TFB1M: variants seen among roughly 807,000 people sequenced by gnomAD.
TFB1M encodes transcription factor B1, mitochondrial.
TFB1M carries 27 observed loss-of-function variants against 31.1 expected under a neutral mutation model. That is an observed-to-expected ratio of 0.87 (90% confidence interval 0.64 to 1.20). TFB1M has a LOEUF of 1.20. Ranked by LOEUF, TFB1M falls within the 50% of genes most tolerant of loss-of-function variation. The probability of loss-of-function intolerance (pLI) is 0.00; values close to 1 mark genes in which losing one functional copy is unlikely to be tolerated. For missense variants in TFB1M, 394 were observed against 418.7 expected, an observed-to-expected ratio of 0.94 and a Z score of 0.51; for synonymous variants, 166 against 151.8, an observed-to-expected ratio of 1.09 and a Z score of -0.69.
At chr6:155,272,304 G>T (rs1784956830) in intron 5 of TFB1M, among the ~76,000 whole-genome samples, 1 of 152,054 alleles carries the variant, frequency 6.6e-6, no homozygotes, top group Non-Finnish European at 1.5e-5. Context: ...TATTATTTTT[G>T]ATATAAATAA....
At position 155,256,602 on chromosome 6, in the gene TFB1M, C is replaced by T; in HGVS notation, c.*1234G>A. On this transcript the variant is annotated 3_prime_UTR_variant, in exon 7 of 7. Transcript: ENST00000367166. The stretch of plus-strand genomic sequence containing the variant: ...GCAGCTTGAGCAGCGGCACCCAGAG[C>T]AGCGGCTGCCCCACGGCTGAGGGCA... 1 of 1,614,186 alleles carries T rather than the reference C, an allele frequency of 6.2e-7. No individual in the cohort carries two copies. Among genetic ancestry groups the T allele is most frequent in the Non-Finnish European group, 8.5e-7 (1 of 1,180,032 alleles).
chr6:155,293,874 CTTTT>C (rs553386763), intron 4 of TFB1M, among the ~76,000 whole-genome samples: 1 of 151,870 alleles, frequency 6.6e-6, no homozygotes, highest in Non-Finnish European at 1.5e-5. Flanking sequence ...GTTTTTGCAA[CTTTT>C]TTTTGACTCT....
Position 155,257,239 on chromosome 6 carries a change from T to C in TFB1M, c.*597A>G, listed in dbSNP as rs1417246694. 8.8e-7 allele frequency: 1 copy of C among 1,131,140 alleles called. No individual in the cohort carries two copies. The highest frequency in any genetic ancestry group is 1.2e-6 in the Non-Finnish European group (1 of 813,048). 70.1% of individuals were successfully genotyped at this position (1,131,140 alleles called of 1,614,324 possible). A position where few individuals can be genotyped will look rare whatever the true frequency, so the allele number is the denominator to read the frequency against. On this transcript the variant is annotated 3_prime_UTR_variant, in exon 7 of 7. Coordinates refer to ENST00000367166, the MANE Select transcript of TFB1M (RefSeq NM_016020.4). Reference sequence around the variant, plus strand: ...GTTCATTCCTGGGTTTTGTGCAGTATACATTTTCCCACAAAATGGTTGTAA... The same window carrying C: ...GTTCATTCCTGGGTTTTGTGCAGTACACATTTTCCCACAAAATGGTTGTAA...
At chr6:155,252,339 C>T (rs142148257), downstream of TFB1M, among the ~76,000 whole-genome samples, 640 of 152,218 alleles carry the variant, frequency 4.2e-3, 6 homozygotes, top group Admixed American at 8.0e-3. Flanking sequence ...TGTGGTAGCA[C>T]GTGCCTGTAG....
At chr6:155,239,359 C>T in the TFB1M span, among the ~76,000 whole-genome samples, 18 of 152,268 alleles carry the variant, frequency 1.2e-4, no homozygotes, top group East Asian at 3.5e-3. Context: ...CTGTGCTGGC[C>T]AGTGAGCTGG....
At chr6:155,306,079 T>C (rs955103315) in intron 2 of TFB1M, among the ~76,000 whole-genome samples, 4 of 152,006 alleles carry the variant, frequency 2.6e-5, no homozygotes, top group Non-Finnish European at 5.9e-5. Flanking sequence ...GATACAAAGA[T>C]GGCAAATAAG....
At chr6:155,233,220 C>T in the TFB1M span, among the ~76,000 whole-genome samples, 1 of 152,180 alleles carries the variant, frequency 6.6e-6, no homozygotes, top group South Asian at 2.1e-4. Context: ...CCAAAACGCA[C>T]AGGAAAGTTG....
chr6:155,247,905 AT>A, the TFB1M span: 1 of 1,440,090 alleles, frequency 6.9e-7, no homozygotes. Flanking sequence ...TAGGAGGACT[AT>A]AGAAATAGAT....
downstream of TFB1M, chr6:155,254,137 G>GC (rs1583294049): frequency 1.4e-6 from 2 of 1,466,090 alleles, no homozygotes; most frequent in Non-Finnish European, 1.9e-6. Flanking sequence ...TATATTTAGT[G>GC]CCCTCCTGAA....
chr6:155,288,548 C>A (rs928255779), intron 4 of TFB1M, among the ~76,000 whole-genome samples: 1 of 152,194 alleles, frequency 6.6e-6, no homozygotes, highest in Admixed American at 6.5e-5. Flanking sequence ...TAATATCCAA[C>A]TGGCACAATT....
chr6:155,238,556 G>A, the TFB1M span, among the ~76,000 whole-genome samples: 1 of 152,188 alleles, frequency 6.6e-6, no homozygotes, highest in Non-Finnish European at 1.5e-5. Context: ...CTTGCCCCTT[G>A]AGGTAGGCCT....
At chr6:155,297,502 A>G (rs918220362) in intron 3 of TFB1M, among the ~76,000 whole-genome samples, 1 of 152,196 alleles carries the variant, frequency 6.6e-6, no homozygotes, top group African/African-American at 2.4e-5. Flanking sequence ...TAAAGATGTG[A>G]ATGTCTGCAA....
intron 2 of TFB1M, among the ~76,000 whole-genome samples, chr6:155,306,228 G>C (rs1777755968): frequency 6.6e-6 from 1 of 152,102 alleles, no homozygotes; most frequent in Non-Finnish European, 1.5e-5. Flanking sequence ...TGGAGCAATG[G>C]GAGCTCTGAA....
the TFB1M span, among the ~76,000 whole-genome samples, chr6:155,237,573 G>A: frequency 6.6e-6 from 1 of 152,248 alleles, no homozygotes; most frequent in African/African-American, 2.4e-5. Flanking sequence ...GCAAACTTCT[G>A]CCTGGACATC....
At position 155,298,422 on chromosome 6, in the gene TFB1M, T is replaced by G. The variant is rs541524847; in HGVS notation, c.394+55A>C. 1.4e-4 allele frequency: 121 copies of G among 894,880 alleles called. No homozygotes were observed. The African/African-American group carries it at 1.7e-3, about 12-fold the overall frequency. The allele number at this position is 894,880 out of a possible 1,614,324, so 55.4% of individuals were successfully genotyped here. Reference sequence around the variant, plus strand: ...AATAAATGTATCATAAAATGAACATTTGTGATATAAATAATCATAAAAGAA... The same window carrying G: ...AATAAATGTATCATAAAATGAACATGTGTGATATAAATAATCATAAAAGAA... On this transcript the variant is annotated intron_variant, in intron 3 of 6. Transcript: ENST00000367166.
intron 5 of TFB1M, among the ~76,000 whole-genome samples, chr6:155,271,754 A>G (rs896420734): frequency 6.6e-6 from 1 of 152,236 alleles, no homozygotes; most frequent in African/African-American, 2.4e-5. Flanking sequence ...TTCAACATAG[A>G]GAAAATTTCA....
chr6:155,260,227 G>A lies in TFB1M; in HGVS notation c.794+46C>T, dbSNP rs769650254. 23 of 1,610,354 alleles carry A rather than the reference G, an allele frequency of 1.4e-5. No individual in the cohort carries two copies. The South Asian group carries it at 2.4e-4, about 17-fold the overall frequency. The stretch of plus-strand genomic sequence containing the variant: ...GTTCTCACTCTTAAAAAGTGCCTGA[G>A]GATTTTATAAAGACTGCAACTGAAG... On this transcript the variant is annotated intron_variant, in intron 6 of 6. Coordinates refer to ENST00000367166, the MANE Select transcript of TFB1M (RefSeq NM_016020.4).
At chr6:155,239,439 A>G in the TFB1M span, among the ~76,000 whole-genome samples, 12 of 152,172 alleles carry the variant, frequency 7.9e-5, no homozygotes, top group Non-Finnish European at 1.2e-4. Flanking sequence ...GAGGTGGTGA[A>G]GTGGGGTGGA....
At chr6:155,250,179 C>G in the TFB1M span, among the ~76,000 whole-genome samples, 1,915 of 152,148 alleles carry the variant, frequency 0.013, 25 homozygotes, top group Non-Finnish European at 0.019. Context: ...CCTTATGTCA[C>G]GTTCACATTG....
Sources: allele counts gnomAD v4.1 joint callset (sites outside exome capture counted in the v4.1 genomes callset), GRCh38; gene constraint gnomAD v4.1.1; transcripts MANE v1.5; gene names NCBI Gene and HGNC (gene_info 2026-07-23, HGNC 2026-07-21).